Variants in KAZN observed in about 807,000 individuals in gnomAD.
KAZN encodes kazrin.
A neutral mutation model predicts 87.4 loss-of-function variants in KAZN; 40 were observed. The observed-to-expected ratio is 0.46, with a 90% CI of 0.36 to 0.60. KAZN has a LOEUF of 0.60. Among genes scored for constraint, KAZN ranks in the 20% least tolerant of loss-of-function variants. KAZN has a pLI of 0.00. For missense variants in KAZN, 898 were observed against 1,073.9 expected (o/e 0.84, Z 2.29); for synonymous variants, 466 against 458.3 (o/e 1.02, Z -0.22).
rs1170140179 is a variant in KAZN, at chr1:14,106,567, C to T, written c.92-73868C>T. On this transcript the variant is annotated intron_variant, in intron 1 of 16. Coordinates refer to the KAZN transcript ENST00000636203. ...CTCAGCTCCCAAGTGGCCTCTTCCTCTTCTGCCTCCTCCCCATCCAAACTC... is the reference window on the plus strand; with the variant it reads ...CTCAGCTCCCAAGTGGCCTCTTCCTTTTCTGCCTCCTCCCCATCCAAACTC... Among the ~76,000 whole-genome samples the T allele has an allele frequency of 2.0e-5, 3 of 152,176 alleles. No homozygotes were observed. In the East Asian group the frequency reaches 5.8e-4, roughly 29 times the overall value.
intron 2 of KAZN, among the ~76,000 whole-genome samples, chr1:14,474,965 T>G (rs1249582394): frequency 1.3e-5 from 2 of 152,122 alleles, no homozygotes; most frequent in Admixed American, 6.5e-5. Context: ...ATTGGATGGA[T>G]GGATAGATGG....
rs181627343 is a variant in KAZN, at chr1:14,092,281, C to T, written c.92-88154C>T. 1.3e-4 allele frequency among the ~76,000 whole-genome samples: 20 copies of T among 150,946 alleles called. No individual in the cohort carries two copies. In the East Asian group the frequency reaches 2.9e-3, roughly 22 times the overall value. The stretch of plus-strand genomic sequence containing the variant: ...CATTTTTTTGTATTTTTAGTAGAGA[C>T]GGGGTTTCACTGTGTTAGCCAGGAT... On this transcript the variant is annotated intron_variant, in intron 1 of 16. Transcript: ENST00000636203.
At chr1:14,927,416 C>T (rs1395474346) in intron 1 of KAZN, among the ~76,000 whole-genome samples, 1 of 152,080 alleles carries the variant, frequency 6.6e-6, no homozygotes. Context: ...CAAATAGGCA[C>T]AGGATATGTC....
intron 2 of KAZN, among the ~76,000 whole-genome samples, chr1:14,206,702 C>CTT (rs70997123): frequency 0.02 from 2,869 of 144,762 alleles, 70 homozygotes; most frequent in African/African-American, 0.05. Context: ...TGAGCATTTT[C>CTT]TTTTTTTTTT....
intron 1 of KAZN, among the ~76,000 whole-genome samples, chr1:14,853,917 G>C (rs1299989916): frequency 6.6e-6 from 1 of 152,230 alleles, no homozygotes; most frequent in Non-Finnish European, 1.5e-5. Context: ...AGAGGAAGAG[G>C]AAAGTCAGCA....
intron 1 of KAZN, among the ~76,000 whole-genome samples, chr1:14,007,541 T>C (rs777016786): frequency 7.9e-5 from 12 of 152,208 alleles, no homozygotes; most frequent in Non-Finnish European, 1.5e-4. Flanking sequence ...CAGGTTGGCA[T>C]TGTAAAGAGC....
Position 13,998,081 on chromosome 1 carries a change from G to A in KAZN, c.91+104325G>A, listed in dbSNP as rs6660104. ...GATTGGGGGCCAATATTCAACATTC[G>A]TAAAAGAATTTTCAACCCAGAATTT... On this transcript the variant is annotated intron_variant, in intron 1 of 16. Coordinates refer to the KAZN transcript ENST00000636203. 2.5e-3 allele frequency among the ~76,000 whole-genome samples: 379 copies of A among 152,124 alleles called. 2 individuals are homozygous for A. Among genetic ancestry groups the A allele is most frequent in the African/African-American group, 8.5e-3 (352 of 41,528 alleles).
At chr1:14,397,064 A>G (rs935848476) in intron 2 of KAZN, among the ~76,000 whole-genome samples, 5 of 152,306 alleles carry the variant, frequency 3.3e-5, no homozygotes, top group East Asian at 1.9e-4. Context: ...GCTACAGTCA[A>G]TGTATCTTTG....
intron 13 of KAZN, among the ~76,000 whole-genome samples, chr1:15,105,329 C>A (rs188610692): frequency 1.1e-3 from 165 of 152,218 alleles, no homozygotes; most frequent in Non-Finnish European, 2.0e-3. Flanking sequence ...ACTTCTAATT[C>A]AATCTCTTCA....
At chr1:14,624,201 T>A (rs1678926303) in intron 1 of KAZN, among the ~76,000 whole-genome samples, 1 of 152,146 alleles carries the variant, frequency 6.6e-6, no homozygotes, top group South Asian at 2.1e-4. Context: ...GGTGGGTGGA[T>A]CACAAAGTCA....
At chr1:14,487,479 T>C (rs1669411283) in intron 2 of KAZN, among the ~76,000 whole-genome samples, 1 of 152,118 alleles carries the variant, frequency 6.6e-6, no homozygotes, top group Admixed American at 6.6e-5. Flanking sequence ...CAGCCTGGTG[T>C]CCAGACATTC....
intron 1 of KAZN, among the ~76,000 whole-genome samples, chr1:14,716,053 T>C (rs1261079134): frequency 6.6e-6 from 1 of 152,208 alleles, no homozygotes; most frequent in African/African-American, 2.4e-5. Context: ...TCATCAGAAG[T>C]GTTTTAAGAG....
chr1:14,756,184 G>C (rs1024823271), intron 1 of KAZN, among the ~76,000 whole-genome samples: 57 of 152,310 alleles, frequency 3.7e-4, no homozygotes, highest in African/African-American at 1.3e-3. Context: ...TCTGACACCA[G>C]AGCCATGGTC....
chr1:14,780,080 G>C (rs1323401004), intron 1 of KAZN, among the ~76,000 whole-genome samples: 1 of 152,206 alleles, frequency 6.6e-6, no homozygotes, highest in Non-Finnish European at 1.5e-5. Context: ...GGTATTGTCT[G>C]AGTCCCAAGG....
chr1:14,185,915 T>C (rs1435215637), intron 2 of KAZN, among the ~76,000 whole-genome samples: 1 of 152,146 alleles, frequency 6.6e-6, no homozygotes, highest in Non-Finnish European at 1.5e-5. Flanking sequence ...AATGCAAAGT[T>C]GTTTCAGTGT....
chr1:13,921,289 C>T (rs1175957473), intron 1 of KAZN, among the ~76,000 whole-genome samples: 1 of 152,252 alleles, frequency 6.6e-6, no homozygotes, highest in East Asian at 1.9e-4. Flanking sequence ...GGTCAGCAAA[C>T]TTTTTCTCTA....
At chr1:14,527,083 G>A (rs1013931857) in intron 2 of KAZN, among the ~76,000 whole-genome samples, 2 of 152,128 alleles carry the variant, frequency 1.3e-5, no homozygotes, top group South Asian at 2.1e-4. Flanking sequence ...TTAAAACGAT[G>A]TATTATCATG....
At chr1:14,452,128 T>C (rs1181958143) in intron 2 of KAZN, among the ~76,000 whole-genome samples, 2 of 152,006 alleles carry the variant, frequency 1.3e-5, no homozygotes, top group East Asian at 1.9e-4. Flanking sequence ...TTAGAAGAGA[T>C]GGGGTTTCAC....
chr1:14,467,039 T>C (rs1478993266), intron 2 of KAZN, among the ~76,000 whole-genome samples: 2 of 152,196 alleles, frequency 1.3e-5, no homozygotes, highest in African/African-American at 4.8e-5. Flanking sequence ...ACTACATTAG[T>C]AAACATAAAA....
Sources: gnomAD v4.1 joint callset for allele counts (sites outside exome capture counted in the v4.1 genomes callset) on GRCh38, gnomAD v4.1.1 for gene constraint, MANE v1.5 for transcripts, NCBI Gene and HGNC (gene_info 2026-07-23, HGNC 2026-07-21) for gene names.